POGZ: variants seen among roughly 807,000 people sequenced by gnomAD.
POGZ encodes pogo transposable element with ZNF domain.
In POGZ, 17 loss-of-function variants were observed where a neutral mutation model predicts 134.6. The ratio of observed to expected loss-of-function variants is 0.13; its 90% confidence interval spans 0.09 to 0.19. POGZ has a LOEUF of 0.19. POGZ is among the 10% of genes least tolerant of loss of function. POGZ has a pLI of 1.00. For synonymous variants in POGZ, 693 were observed against 657.1 expected (o/e 1.05, Z -0.84); for missense variants, 1,306 against 1,769.7 (o/e 0.74, Z 4.70).
intron 10 of POGZ, among the ~76,000 whole-genome samples, chr1:151,416,210 C>CAAAAAAAAAAAAAAAAAAAAAAAAAAAA (rs1212371839): frequency 4.7e-5 from 2 of 42,776 alleles, no homozygotes; most frequent in Non-Finnish European, 7.5e-5. Context: ...AACTCCATCT[C>CAAAAAAAAAAAAAAAAAAAAAAAAAAAA]AAAAAAAAAA....
In POGZ at chr1:151,424,281, A is replaced by T. The variant is rs771929419; in HGVS notation, c.1191T>A (p.Cys397Ter). The change falls in exon 9 of 19, where the codon TGT (cysteine) becomes TGA (stop). Residue 397 changes from cysteine to a stop codon, truncating the protein, a stop_gained. Coordinates refer to ENST00000271715, the MANE Select transcript of POGZ (RefSeq NM_015100.4). LOFTEE classifies it high-confidence loss of function. ...TEALRGHMCY[C>*]CPEMVEYQKK... is the part of the protein sequence containing the mutation. ...TCTGGTATTCAACCATTTCTGGGCAACAGTACTATAAAGAAAGACATCTGA... is the reference window on the plus strand; with the variant it reads ...TCTGGTATTCAACCATTTCTGGGCATCAGTACTATAAAGAAAGACATCTGA... 1 of 1,575,758 alleles carries T rather than the reference A, an allele frequency of 6.3e-7. No homozygotes were observed. The highest frequency in any genetic ancestry group is 1.4e-5 in the African/African-American group (1 of 73,796).
chr1:151,430,853 AG>A lies in POGZ; in HGVS notation c.284-13del. On this transcript the variant is annotated splice_polypyrimidine_tract_variant and intron_variant, in intron 3 of 18. Coordinates refer to ENST00000271715, the MANE Select transcript of POGZ (RefSeq NM_015100.4). ...CAAAGGATTGCCAGCTAAAGGGTAA[AG>A]GAAGAAAAAAAAAAAGGAATGTTAG... is the stretch of plus-strand genomic sequence containing the variant. 2 of 1,536,434 alleles carry A rather than the reference AG, an allele frequency of 1.3e-6. No homozygotes were observed. The highest frequency in any genetic ancestry group is 4.8e-5 in the Admixed American group (2 of 41,850).
rs74125968 is a variant in POGZ, at chr1:151,428,774, A to T, written c.569-361T>A. Among the ~76,000 whole-genome samples, 1,494 of 152,316 alleles carry T rather than the reference A, an allele frequency of 9.8e-3. 29 individuals are homozygous for T. The highest frequency in any genetic ancestry group is 0.035 in the African/African-American group (1,437 of 41,558). On this transcript the variant is annotated intron_variant, in intron 5 of 18. Transcript: ENST00000271715. ...ATGGCAAACCTGGTCCTGAAAAAAG[A>T]AATCAGTCTTTCTCAGAGTACTAAA...
In POGZ at chr1:151,429,896, A is replaced by C. The variant is rs186299450; in HGVS notation, c.460-185T>G. On this transcript the variant is annotated intron_variant, in intron 4 of 18. Coordinates refer to ENST00000271715, the MANE Select transcript of POGZ (RefSeq NM_015100.4). ...AATTCTGGCAAACTTTTGAGAGACA[A>C]AATATCAAAATTAGAGAACAAGCTT... 3.8e-3 allele frequency among the ~76,000 whole-genome samples: 580 copies of C among 152,302 alleles called. 1 individual carries two copies. The highest frequency in any genetic ancestry group is 6.8e-3 in the Non-Finnish European group (460 of 68,036).
intron 12 of POGZ, 61 bp from the exon 13 acceptor site, chr1:151,408,889 T>G: frequency 6.7e-7 from 1 of 1,487,388 alleles, no homozygotes; most frequent in Non-Finnish European, 9.2e-7. Context: ...TAAATTTTCT[T>G]TTTTGAGGAG....
rs375749581 is a variant in POGZ at position 151,404,669 on chromosome 1, G to A, written c.*133C>T. On this transcript the variant is annotated 3_prime_UTR_variant, in exon 19 of 19. Coordinates refer to ENST00000271715, the MANE Select transcript of POGZ (RefSeq NM_015100.4). Reference sequence around the variant, plus strand: ...CACAGGGAAGTGTAAGTCAACTTCAGGGGGGAGTGGTGGTATAAAATTAAA... The same window carrying A: ...CACAGGGAAGTGTAAGTCAACTTCAAGGGGGAGTGGTGGTATAAAATTAAA... 4.2e-6 allele frequency: 6 copies of A among 1,411,804 alleles called. No homozygotes were observed. The East Asian group carries it at 1.5e-4, about 36-fold the overall frequency. The allele number at this position is 1,411,804 out of a possible 1,614,324, so 87.5% of individuals were successfully genotyped here.
intron 1 of POGZ, among the ~76,000 whole-genome samples, chr1:151,447,637 G>A (rs1490923076): frequency 1.5e-5 from 2 of 131,876 alleles, no homozygotes; most frequent in African/African-American, 5.6e-5. Flanking sequence ...CACCATGTCT[G>A]GCTAATTTTT....
Position 151,404,559 on chromosome 1 carries a change from G to A in POGZ, c.*243C>T, listed in dbSNP as rs547509977. 4 of 1,184,776 alleles carry A rather than the reference G, an allele frequency of 3.4e-6. No individual in the cohort carries two copies. The African/African-American group carries it at 6.3e-5, about 19-fold the overall frequency. 73.4% of individuals were successfully genotyped at this position (1,184,776 alleles called of 1,614,324 possible). A position where few individuals can be genotyped will look rare whatever the true frequency, so the allele number is the denominator to read the frequency against. ...AAAAAAAAAAAAGTCACAAAAACCTGTTTTTAGCAGAAGTGAATGACCAAT... is the reference window on the plus strand; with the variant it reads ...AAAAAAAAAAAAGTCACAAAAACCTATTTTTAGCAGAAGTGAATGACCAAT... On this transcript the variant is annotated 3_prime_UTR_variant, in exon 19 of 19. Coordinates refer to ENST00000271715, the MANE Select transcript of POGZ (RefSeq NM_015100.4).
In POGZ at chr1:151,429,591, A is replaced by G. The variant is rs772353847; in HGVS notation, c.568+12T>C. 17 of 1,437,706 alleles carry G rather than the reference A, an allele frequency of 1.2e-5. No individual in the cohort carries two copies. In the Admixed American group the frequency reaches 1.2e-4, roughly 10 times the overall value. 89.1% of individuals were successfully genotyped at this position (1,437,706 alleles called of 1,614,324 possible). ...GCCAGTTTATTCCAAATGGATAGAC[A>G]TTTTTCCTTACCTGGAACTAGTGTA... is the stretch of plus-strand genomic sequence containing the variant. On this transcript the variant is annotated intron_variant, in intron 5 of 18. Transcript: ENST00000271715.
rs765232832 is a variant in POGZ, at chr1:151,428,333, T to A, written c.649A>T (p.Thr217Ser). The change falls in exon 6 of 19, where the codon ACA becomes TCA. Residue 217 changes from threonine to serine, a missense_variant. By Grantham distance (58) the Thr-to-Ser change is moderately conservative. Coordinates refer to ENST00000271715, the MANE Select transcript of POGZ (RefSeq NM_015100.4). Reference sequence around the variant, plus strand: ...TTGGTGGTGGGCCTCACAGGCATTGTGGAGCCTGGCCTCACAGGGGTCATC... The same window carrying A: ...TTGGTGGTGGGCCTCACAGGCATTGAGGAGCCTGGCCTCACAGGGGTCATC... Reference protein sequence around the residue: ...SQMTPVRPGSTMPVRPTTNTF... With the variant: ...SQMTPVRPGSSMPVRPTTNTF... The A allele has an allele frequency of 3.1e-6, 5 of 1,614,000 alleles. No individual in the cohort carries two copies. Among genetic ancestry groups the A allele is most frequent in the Non-Finnish European group, 4.2e-6 (5 of 1,179,954 alleles).
chr1:151,429,588 G>A lies in POGZ; in HGVS notation c.568+15C>T. On this transcript the variant is annotated intron_variant, in intron 5 of 18. Transcript: ENST00000271715. ...GATGCCAGTTTATTCCAAATGGATA[G>A]ACATTTTTCCTTACCTGGAACTAGT... 1.5e-6 allele frequency: 2 copies of A among 1,353,578 alleles called. No homozygotes were observed. Among genetic ancestry groups the A allele is most frequent in the African/African-American group, 2.9e-5 (2 of 69,782 alleles). The allele number at this position is 1,353,578 out of a possible 1,614,324, so 83.8% of individuals were successfully genotyped here. A position where few individuals can be genotyped will look rare whatever the true frequency, so the allele number is the denominator to read the frequency against.
intron 3 of POGZ, among the ~76,000 whole-genome samples, chr1:151,434,666 T>G (rs1392416973): frequency 6.6e-6 from 1 of 152,116 alleles, no homozygotes; most frequent in Non-Finnish European, 1.5e-5. Flanking sequence ...CACTGCAACC[T>G]CTGCCTCCTG....
At chr1:151,419,499 A>G (rs932906241) in intron 10 of POGZ, among the ~76,000 whole-genome samples, 1 of 151,504 alleles carries the variant, frequency 6.6e-6, no homozygotes, top group African/African-American at 2.4e-5. Flanking sequence ...AACACCCCCC[A>G]AAACAAAAAA....
chr1:151,458,908 G>A (rs1228300391), intron 1 of POGZ, among the ~76,000 whole-genome samples: 1 of 145,016 alleles, frequency 6.9e-6, no homozygotes, highest in Non-Finnish European at 1.5e-5. Flanking sequence ...GGCTCCCGCG[G>A]CCCGGGGCGC....
In POGZ at chr1:151,408,841, AG is replaced by A. The variant is rs770917227; in HGVS notation, c.1927-14del. The A allele has an allele frequency of 4.4e-5, 67 of 1,534,222 alleles. No individual in the cohort carries two copies. The highest frequency in any genetic ancestry group is 5.5e-5 in the Non-Finnish European group (62 of 1,131,362). ...AAACATTTCTCTTCTGAAGTGGGGG[AG>A]GGAAAAAAAGAGACAAAATCCCTTA... On this transcript the variant is annotated splice_polypyrimidine_tract_variant and intron_variant, in intron 12 of 18. Coordinates refer to ENST00000271715, the MANE Select transcript of POGZ (RefSeq NM_015100.4).
Position 151,404,779 on chromosome 1 carries a change from A to G in POGZ, c.*23T>C, listed in dbSNP as rs748855637. The G allele has an allele frequency of 2.0e-6, 3 of 1,533,724 alleles. No homozygotes were observed. The South Asian group carries it at 3.7e-5, about 19-fold the overall frequency. On this transcript the variant is annotated 3_prime_UTR_variant, in exon 19 of 19. Coordinates refer to ENST00000271715, the MANE Select transcript of POGZ (RefSeq NM_015100.4). ...CCTCACATGTTCCCACCCTCACTCC[A>G]CACCCCCTCATGACCCCAACACTCA... is the stretch of plus-strand genomic sequence containing the variant.
intron 7 of POGZ, chr1:151,426,615 G>A (rs1657826795): frequency 6.6e-6 from 1 of 152,148 alleles, no homozygotes; most frequent in Non-Finnish European, 1.5e-5. Flanking sequence ...CTCCCATTCT[G>A]TGGCTTCCCT....
chr1:151,443,297 A>G (rs903464933), intron 1 of POGZ, among the ~76,000 whole-genome samples: 1 of 152,196 alleles, frequency 6.6e-6, no homozygotes, highest in African/African-American at 2.4e-5. Flanking sequence ...TCCCAGTCCT[A>G]CTACTACCTT....
intron 10 of POGZ, among the ~76,000 whole-genome samples, chr1:151,422,853 A>C (rs751564276): frequency 6.6e-6 from 1 of 152,102 alleles, no homozygotes; most frequent in Non-Finnish European, 1.5e-5. Context: ...CGGCCTCCCA[A>C]AGTGTTGGGA....
Sources: gnomAD v4.1 joint callset for allele counts (sites outside exome capture counted in the v4.1 genomes callset) on GRCh38, gnomAD v4.1.1 for gene constraint, MANE v1.5 for transcripts, NCBI Gene and HGNC (gene_info 2026-07-23, HGNC 2026-07-21) for gene names.